The following NSD1 variants were observed in gnomAD, a reference collection of about 807,000 sequenced individuals.
The protein encoded by NSD1 is histone-lysine N-methyltransferase, H3 lysine-36 specific.
A neutral mutation model predicts 242.7 loss-of-function variants in NSD1; 26 were observed. The observed-to-expected ratio is 0.11, with a 90% CI of 0.08 to 0.15. The LOEUF (loss-of-function observed/expected upper bound fraction) is 0.15. Ranked by LOEUF, NSD1 falls within the 10% of genes least tolerant of loss-of-function variation. NSD1 has a pLI of 1.00. For missense variants in NSD1, 2,495 were observed against 3,272.8 expected (o/e 0.76, Z 5.80); for synonymous variants, 1,106 against 1,178.1 (o/e 0.94, Z 1.25).
intron 2 of NSD1, among the ~76,000 whole-genome samples, chr5:177,149,918 A>G (rs1048707372): frequency 3.3e-5 from 5 of 151,958 alleles, no homozygotes; most frequent in East Asian, 1.9e-4. Context: ...TTAAATGCCT[A>G]TATACAAACC....
chr5:177,239,627 C>G (rs1372753988), intron 7 of NSD1, 129 bp from the exon 8 acceptor site: 6 of 630,114 alleles, frequency 9.5e-6, no homozygotes, highest in Non-Finnish European at 1.7e-5. Context: ...ACCATCCTGC[C>G]TCTTCCCATA....
intron 4 of NSD1, among the ~76,000 whole-genome samples, chr5:177,207,020 T>G (rs1223798540): frequency 1.3e-5 from 2 of 151,868 alleles, no homozygotes; most frequent in South Asian, 2.1e-4. Context: ...CACCGCAACC[T>G]CTGCCTCCTG....
intron 6 of NSD1, among the ~76,000 whole-genome samples, chr5:177,237,263 GTC>G (rs1413979511): frequency 6.6e-6 from 1 of 152,048 alleles, no homozygotes; most frequent in Non-Finnish European, 1.5e-5. Flanking sequence ...TTAACTGATA[GTC>G]TCTTTCATTA....
chr5:177,263,505 G>T (rs939195627), intron 14 of NSD1, among the ~76,000 whole-genome samples: 2 of 152,118 alleles, frequency 1.3e-5, no homozygotes, highest in African/African-American at 4.8e-5. Context: ...TCACCTACTC[G>T]CAGTAAAAGC....
intron 3 of NSD1, among the ~76,000 whole-genome samples, chr5:177,192,468 C>G (rs149148355): frequency 0.018 from 2,775 of 152,144 alleles, 33 homozygotes; most frequent in Non-Finnish European, 0.028. Flanking sequence ...GTGATCTCAG[C>G]TTACCGCAAC....
chr5:177,205,329 C>G (rs1484971605), intron 4 of NSD1, among the ~76,000 whole-genome samples: 1 of 151,792 alleles, frequency 6.6e-6, no homozygotes, highest in African/African-American at 2.4e-5. Context: ...AGCCACTGCG[C>G]CCACTGAGAA....
At chr5:177,266,015 C>A (rs75425485) in intron 14 of NSD1, 17 of 1,029,206 alleles carry the variant, frequency 1.7e-5, no homozygotes, top group Non-Finnish European at 2.6e-5. Flanking sequence ...ATCTTTGATG[C>A]AAGATATATC....
At chr5:177,241,322 C>A (rs1219869546) in intron 8 of NSD1, among the ~76,000 whole-genome samples, 3 of 151,304 alleles carry the variant, frequency 2.0e-5, no homozygotes, top group Non-Finnish European at 4.4e-5. Context: ...CATGGTGAAA[C>A]CCCGTCTCTA....
chr5:177,132,767 G>C (rs1013484970), upstream of NSD1, among the ~76,000 whole-genome samples: 2 of 151,158 alleles, frequency 1.3e-5, no homozygotes, highest in African/African-American at 4.9e-5. The surrounding 1 kb of genome is among the most constrained non-coding windows in gnomAD (Gnocchi z 7.5). Context: ...CCCCAGAGCC[G>C]CTCACCCCGC....
At chr5:177,231,895 ATAT>A (rs1258303535) in intron 5 of NSD1, among the ~76,000 whole-genome samples, 2 of 151,984 alleles carry the variant, frequency 1.3e-5, no homozygotes, top group Non-Finnish European at 1.5e-5. Context: ...TCAGTTATAT[ATAT>A]TATTATTATT....
chr5:177,239,618 C>A lies in NSD1; in HGVS notation c.4193-138C>A, dbSNP rs574307013. The A allele has an allele frequency of 8.3e-6, 5 of 601,946 alleles. No individual in the cohort carries two copies. The Admixed American group carries it at 1.5e-4, about 18-fold the overall frequency. 37.3% of individuals were successfully genotyped at this position (601,946 alleles called of 1,614,324 possible). A position where few individuals can be genotyped will look rare whatever the true frequency, so the allele number is the denominator to read the frequency against. Reference sequence around the variant, plus strand: ...CTAATATTTTATAATAAGCAAATTACCATCCTGCCTCTTCCCATAAGATGA... The same window carrying A: ...CTAATATTTTATAATAAGCAAATTAACATCCTGCCTCTTCCCATAAGATGA... On this transcript the variant is annotated intron_variant, in intron 7 of 22. Transcript: ENST00000439151.
intron 2 of NSD1, among the ~76,000 whole-genome samples, chr5:177,183,788 A>G (rs550730323): frequency 5.3e-5 from 8 of 151,828 alleles, no homozygotes; most frequent in Non-Finnish European, 8.8e-5. Context: ...CCATCTTTCT[A>G]CTTCCCTTCC....
chr5:177,243,877 G>A (rs1410718079), intron 8 of NSD1, among the ~76,000 whole-genome samples: 5 of 152,042 alleles, frequency 3.3e-5, no homozygotes, highest in Non-Finnish European at 7.4e-5. Flanking sequence ...ATTTTTAGTA[G>A]TGATGGGGTT....
chr5:177,179,332 C>T (rs1760466491), intron 2 of NSD1, among the ~76,000 whole-genome samples: 1 of 152,150 alleles, frequency 6.6e-6, no homozygotes, highest in Non-Finnish European at 1.5e-5. Context: ...TCTCCTGCCT[C>T]AGCCTCCCTA....
chr5:177,210,027 CTGATACGCAGGCCTCTAA>C lies in NSD1; in HGVS notation c.1632_1649del (p.Asp544_Asn549del). The stretch of plus-strand genomic sequence containing the variant: ...CTAAACTTTATCTCTGGGGATATAT[CTGATACGCAGGCCTCTAA>C]TGAACTTTCCAGGATAGCAAATAGC... On this transcript the variant is annotated inframe_deletion, in exon 5 of 23. Transcript: ENST00000439151. 1.2e-6 allele frequency: 2 copies of C among 1,614,148 alleles called. No individual in the cohort carries two copies. Among genetic ancestry groups the C allele is most frequent in the Non-Finnish European group, 1.7e-6 (2 of 1,180,018 alleles).
intron 5 of NSD1, among the ~76,000 whole-genome samples, chr5:177,214,529 T>A (rs1337619443): frequency 6.6e-6 from 1 of 152,178 alleles, no homozygotes; most frequent in African/African-American, 2.4e-5. Flanking sequence ...TCTTTCTGCT[T>A]CTGTGAATTT....
At chr5:177,291,251 T>A (rs912451315) in intron 21 of NSD1, among the ~76,000 whole-genome samples, 1 of 152,226 alleles carries the variant, frequency 6.6e-6, no homozygotes, top group Non-Finnish European at 1.5e-5. Flanking sequence ...TTTTGTGTCT[T>A]AACACATTGC....
intron 11 of NSD1, among the ~76,000 whole-genome samples, chr5:177,251,228 T>TC (rs1352631030): frequency 2.0e-5 from 3 of 152,110 alleles, no homozygotes; most frequent in African/African-American, 7.2e-5. Flanking sequence ...CAATGTTTTA[T>TC]AGTGACAGAT....
Position 177,298,868 on chromosome 5 carries a change from ATTTTACTAAGG to A in NSD1, c.*3414_*3424del, listed in dbSNP as rs1036735774. On this transcript the variant is annotated 3_prime_UTR_variant, in exon 23 of 23. Transcript: ENST00000439151. The stretch of plus-strand genomic sequence containing the variant: ...TTTACCCTTAGTCCCTATAAGGTGG[ATTTTACTAAGG>A]TTTTTTAAATGATACTGTCATCCTC... The A allele has an allele frequency of 5.6e-5, 13 of 232,974 alleles. No homozygotes were observed. The highest frequency in any genetic ancestry group is 2.4e-4 in the African/African-American group (11 of 45,306). The allele number at this position is 232,974 out of a possible 1,614,324, so 14.4% of individuals were successfully genotyped here. A position where few individuals can be genotyped will look rare whatever the true frequency, so the allele number is the denominator to read the frequency against.
Sources: gnomAD v4.1 joint callset for allele counts (sites outside exome capture counted in the v4.1 genomes callset) on GRCh38, gnomAD v4.1.1 for gene constraint, Gnocchi (gnomAD v3.1) non-coding constraint, MANE v1.5 for transcripts, NCBI Gene and HGNC (gene_info 2026-07-23, HGNC 2026-07-21) for gene names.